Variants in GPM6B observed in about 807,000 individuals in gnomAD.
The protein encoded by GPM6B is glycoprotein M6B.
Under a neutral mutation model 27.2 loss-of-function variants are expected in GPM6B, and 4 were observed. That is an observed-to-expected ratio of 0.15 (90% CI 0.07 to 0.34). The LOEUF is 0.34. GPM6B is among the 10% of genes least tolerant of loss of function. The pLI is 1.00. For synonymous variants in GPM6B, 124 were observed against 103.1 expected (o/e 1.20, Z -1.23); for missense variants, 183 against 261.9 (o/e 0.70, Z 2.08).
intron 1 of GPM6B, among the ~76,000 whole-genome samples, chrX:13,933,360 C>A (rs1162159120): frequency 8.9e-6 from 1 of 111,754 alleles, no homozygotes; most frequent in Non-Finnish European, 1.9e-5. Context: ...TGCTCTCTTA[C>A]CAATGTTTAC....
intron 7 of GPM6B, chrX:13,773,562 A>G (rs2048343767): frequency 8.9e-6 from 1 of 112,104 alleles, no homozygotes; most frequent in Non-Finnish European, 1.9e-5. Context: ...TAAGCAAAGC[A>G]TGCAGTCTCT....
Position 13,774,738 on chromosome X carries a change from T to TC in GPM6B, c.837+1499dup, listed in dbSNP as rs199748292. The TC allele has an allele frequency of 9.3e-3, 4,918 of 531,215 alleles. 109 individuals carry two copies. Among genetic ancestry groups the TC allele is most frequent in the East Asian group, 0.092 (2,585 of 28,161 alleles). 43.8% of individuals were successfully genotyped at this position (531,215 alleles called of 1,213,427 possible). On this transcript the variant is annotated intron_variant, in intron 7 of 7. Transcript: ENST00000316715. The stretch of plus-strand genomic sequence containing the variant: ...CTGCTCATAGTCTAAGGTGTTTTTT[T>TC]CCCACTTAAAATCACAACAGACAAT...
At chrX:13,914,388 A>C (rs938200360) in intron 1 of GPM6B, among the ~76,000 whole-genome samples, 1 of 112,447 alleles carries the variant, frequency 8.9e-6, no homozygotes, top group African/African-American at 3.2e-5. Context: ...TCTATGACCA[A>C]GTTCCGGCTA....
intron 1 of GPM6B, among the ~76,000 whole-genome samples, chrX:13,893,039 T>C (rs1267494135): frequency 9.0e-6 from 1 of 111,506 alleles, no homozygotes; most frequent in Non-Finnish European, 1.9e-5. Flanking sequence ...CAAAAACAAA[T>C]ACATAATAAA....
chrX:13,863,572 T>C (rs2049876402), intron 1 of GPM6B, among the ~76,000 whole-genome samples: 1 of 112,012 alleles, frequency 8.9e-6, no homozygotes, highest in South Asian at 3.7e-4. Flanking sequence ...TTTTCCACGC[T>C]GGCTGCTTCC....
At chrX:13,933,881 T>C (rs1312015385) in intron 1 of GPM6B, among the ~76,000 whole-genome samples, 1 of 111,949 alleles carries the variant, frequency 8.9e-6, no homozygotes, top group Non-Finnish European at 1.9e-5. Flanking sequence ...GAAAGACTTC[T>C]AGGAACTCCA....
chrX:13,905,067 T>C (rs1418474352), intron 1 of GPM6B, among the ~76,000 whole-genome samples: 1 of 107,142 alleles, frequency 9.3e-6, no homozygotes, highest in Non-Finnish European at 1.9e-5. Flanking sequence ...AGACCTCATC[T>C]CTACAATTAA....
At chrX:13,825,419 T>G (rs778303646) in intron 1 of GPM6B, among the ~76,000 whole-genome samples, 1 of 111,734 alleles carries the variant, frequency 8.9e-6, no homozygotes, top group South Asian at 3.8e-4. Flanking sequence ...ACCTTTCAGG[T>G]GCCTCCTAAT....
intron 7 of GPM6B, chrX:13,774,660 A>G (rs2048375466): frequency 2.8e-6 from 3 of 1,056,868 alleles, no homozygotes; most frequent in Non-Finnish European, 4.0e-6. Flanking sequence ...AGTAAGATAC[A>G]GGCAGTGAGG....
intron 6 of GPM6B, 60 bp from the exon 7 acceptor site, chrX:13,776,363 A>C: frequency 5.1e-5 from 46 of 907,872 alleles, no homozygotes; most frequent in Non-Finnish European, 6.4e-5. Context: ...GCCTACACTC[A>C]TTGTGGGGTG....
At chrX:13,773,979 T>TTTTC (rs869053023) in intron 7 of GPM6B, 8 of 688,680 alleles carry the variant, frequency 1.2e-5, no homozygotes, top group South Asian at 7.6e-5. Flanking sequence ...TTTTTTTTTT[T>TTTTC]CCAGAGAACT....
chrX:13,825,693 G>A (rs1357819684), intron 1 of GPM6B, among the ~76,000 whole-genome samples: 1 of 112,841 alleles, frequency 8.9e-6, no homozygotes, highest in Non-Finnish European at 1.9e-5. Flanking sequence ...TGAAGAAGAG[G>A]AAGCAGGGGC....
At chrX:13,797,447 C>G (rs1463518067) in intron 2 of GPM6B, among the ~76,000 whole-genome samples, 1 of 111,031 alleles carries the variant, frequency 9.0e-6, no homozygotes, top group Non-Finnish European at 1.9e-5. Flanking sequence ...AAAGGAAGGA[C>G]AGCAGGACCC....
chrX:13,926,239 T>TA (rs764661812), intron 1 of GPM6B, among the ~76,000 whole-genome samples: 79 of 97,117 alleles, frequency 8.1e-4, no homozygotes, highest in East Asian at 1.3e-3. Flanking sequence ...CCGTCTCTAC[T>TA]AAAAAAAAAA....
intron 2 of GPM6B, among the ~76,000 whole-genome samples, chrX:13,802,194 G>C (rs1486945870): frequency 1.8e-5 from 2 of 111,040 alleles, no homozygotes; most frequent in Non-Finnish European, 3.8e-5. Context: ...ACATTTCAAA[G>C]GCAGCAAAGA....
intron 1 of GPM6B, among the ~76,000 whole-genome samples, chrX:13,921,387 G>A (rs1212301888): frequency 8.9e-6 from 1 of 111,902 alleles, no homozygotes; most frequent in Non-Finnish European, 1.9e-5. Flanking sequence ...TAGTAGAAGA[G>A]TGGGGCTTAG....
rs775227247 is a variant in GPM6B, at chrX:13,920,134, G to A, written c.-198+18193C>T. 3.7e-5 allele frequency among the ~76,000 whole-genome samples: 4 copies of A among 108,648 alleles called. No homozygotes were observed. In the South Asian group the frequency reaches 1.6e-3, roughly 44 times the overall value. 94.3% of individuals were successfully genotyped at this position (108,648 alleles called of 115,157 possible). Reference sequence around the variant, plus strand: ...CAAAACTAGCCAGGCGTGGTGGCACGCACCTATAATCCCAGCTAGCTACTC... The same window carrying A: ...CAAAACTAGCCAGGCGTGGTGGCACACACCTATAATCCCAGCTAGCTACTC... On this transcript the variant is annotated intron_variant, in intron 1 of 6. Transcript: ENST00000398361.
intron 1 of GPM6B, among the ~76,000 whole-genome samples, chrX:13,890,247 G>T (rs756904606): frequency 2.7e-5 from 3 of 111,698 alleles, no homozygotes; most frequent in Non-Finnish European, 5.6e-5. Flanking sequence ...TCCCACCAGC[G>T]CCATGACAGT....
upstream of GPM6B, among the ~76,000 whole-genome samples, chrX:13,820,015 G>A (rs1461933518): frequency 1.8e-5 from 2 of 111,665 alleles, no homozygotes; most frequent in Non-Finnish European, 3.8e-5. Context: ...TCTGACAGAG[G>A]GACTGAAGGG....
Sources: allele counts gnomAD v4.1 joint callset (sites outside exome capture counted in the v4.1 genomes callset), GRCh38; gene constraint gnomAD v4.1.1; transcripts MANE v1.5; gene names NCBI Gene and HGNC (gene_info 2026-07-23, HGNC 2026-07-21).